SKAP1: variants seen among roughly 807,000 people sequenced by gnomAD.
SKAP1 encodes src kinase-associated phosphoprotein 1.
Under a neutral mutation model 58.5 loss-of-function variants are expected in SKAP1, and 44 were observed. The ratio of observed to expected loss-of-function variants is 0.75; its 90% CI spans 0.59 to 0.97. The LOEUF (loss-of-function observed/expected upper bound fraction) is 0.97, where lower values mean the gene tolerates loss of function less well. Ranked by LOEUF, SKAP1 falls within the 50% of genes least tolerant of loss-of-function variation. SKAP1 has a pLI of 0.00. For synonymous variants in SKAP1, 127 were observed against 149.7 expected, an observed-to-expected ratio of 0.85 and a Z score of 1.11; for missense variants, 390 against 435.2, an observed-to-expected ratio of 0.90 and a Z score of 0.92.
At position 48,259,351 on chromosome 17, in the gene SKAP1, G is replaced by C. The variant is rs570308142; in HGVS notation, c.281-69851C>G. ...TTTCTTCTCTACATAATAACATTGGGTATTAAAGAGCCATTTATGCATACC... is the reference window on the plus strand; with the variant it reads ...TTTCTTCTCTACATAATAACATTGGCTATTAAAGAGCCATTTATGCATACC... On this transcript the variant is annotated intron_variant, in intron 4 of 12. Transcript: ENST00000336915. Among the ~76,000 whole-genome samples the C allele has an allele frequency of 2.0e-5, 3 of 152,070 alleles. No homozygotes were observed. In the East Asian group the frequency reaches 5.8e-4, roughly 29 times the overall value.
intron 1 of SKAP1, among the ~76,000 whole-genome samples, chr17:48,409,652 A>G (rs1470514376): frequency 6.9e-6 from 1 of 144,454 alleles, no homozygotes; most frequent in African/African-American, 2.6e-5. Flanking sequence ...TGGGTGATAG[A>G]GCAAGATCCT....
At chr17:48,216,822 T>C (rs1421720186) in intron 4 of SKAP1, among the ~76,000 whole-genome samples, 1 of 152,166 alleles carries the variant, frequency 6.6e-6, no homozygotes, top group African/African-American at 2.4e-5. Flanking sequence ...AATTTTGCCC[T>C]CTCTTTTGTC....
chr17:48,170,532 CT>C (rs1181727759), intron 10 of SKAP1, 76 bp downstream of exon 10: 105 of 1,255,014 alleles, frequency 8.4e-5, no homozygotes, highest in Non-Finnish European at 1.1e-4. Flanking sequence ...TTTTTGTAGT[CT>C]CAGAGAAAGG....
intron 4 of SKAP1, among the ~76,000 whole-genome samples, chr17:48,199,473 C>G (rs1209989489): frequency 6.6e-6 from 1 of 152,244 alleles, no homozygotes; most frequent in East Asian, 1.9e-4. Context: ...CCTCTCTCTA[C>G]ATCCAGCTGC....
chr17:48,204,023 A>T (rs1166174313), intron 4 of SKAP1: 1 of 152,192 alleles, frequency 6.6e-6, no homozygotes, highest in East Asian at 1.9e-4. Flanking sequence ...GGCCTTCTGA[A>T]GCTGAAACAG....
At chr17:48,336,745 T>C (rs1169120570) in intron 4 of SKAP1, among the ~76,000 whole-genome samples, 1 of 152,184 alleles carries the variant, frequency 6.6e-6, no homozygotes, top group African/African-American at 2.4e-5. Context: ...TTAGAAGGGC[T>C]AGATTAGATA....
At chr17:48,252,004 TA>T (rs376841432) in intron 4 of SKAP1, among the ~76,000 whole-genome samples, 491 of 152,344 alleles carry the variant, frequency 3.2e-3, no homozygotes, top group Non-Finnish European at 5.2e-3. Context: ...AGTATTCATT[TA>T]ACATTTATTC....
chr17:48,142,843 T>C (rs1264343844), intron 11 of SKAP1, among the ~76,000 whole-genome samples: 1 of 152,152 alleles, frequency 6.6e-6, no homozygotes, highest in Non-Finnish European at 1.5e-5. Context: ...TTTCGCTCTG[T>C]TGCCCAGGAT....
intron 1 of SKAP1, among the ~76,000 whole-genome samples, chr17:48,424,822 C>G (rs1391512356): frequency 6.6e-6 from 1 of 151,336 alleles, no homozygotes; most frequent in African/African-American, 2.4e-5. Context: ...GTCCCAGCTA[C>G]TCAGAAGGCT....
At chr17:48,197,034 A>AGATCACGAG (rs2064642961) in intron 4 of SKAP1, among the ~76,000 whole-genome samples, 1 of 152,202 alleles carries the variant, frequency 6.6e-6, no homozygotes, top group African/African-American at 2.4e-5. Context: ...CGAGGTGGGC[A>AGATCACGAG]GATCACGAGG....
chr17:48,249,991 G>A (rs953665374), intron 4 of SKAP1, among the ~76,000 whole-genome samples: 5 of 151,590 alleles, frequency 3.3e-5, no homozygotes, highest in South Asian at 4.2e-4. Flanking sequence ...GTTGCTTTCT[G>A]CCTGAAGCAT....
chr17:48,286,451 T>G (rs2065830858), intron 4 of SKAP1, among the ~76,000 whole-genome samples: 1 of 152,256 alleles, frequency 6.6e-6, no homozygotes, highest in South Asian at 2.1e-4. Flanking sequence ...TAACTTCAAG[T>G]TTCCTTTATA....
intron 10 of SKAP1, among the ~76,000 whole-genome samples, chr17:48,165,028 T>C (rs1291658912): frequency 1.3e-5 from 2 of 152,354 alleles, no homozygotes; most frequent in South Asian, 2.1e-4. Flanking sequence ...TGGCCACACA[T>C]GAGCCCTCCT....
chr17:48,199,731 G>T (rs1245509737), intron 4 of SKAP1, among the ~76,000 whole-genome samples: 1 of 152,002 alleles, frequency 6.6e-6, no homozygotes, highest in Non-Finnish European at 1.5e-5. Context: ...AAAGCAAATA[G>T]AAAAAGGGCT....
intron 6 of SKAP1, among the ~76,000 whole-genome samples, chr17:48,187,028 G>A (rs1352743771): frequency 6.6e-6 from 1 of 152,186 alleles, no homozygotes; most frequent in Non-Finnish European, 1.5e-5. Flanking sequence ...TCTCCCTCTT[G>A]CGTCTTAGAA....
chr17:48,235,645 A>G (rs1283743616), intron 4 of SKAP1, among the ~76,000 whole-genome samples: 5 of 152,202 alleles, frequency 3.3e-5, no homozygotes, highest in African/African-American at 4.8e-5. Flanking sequence ...GTTTAATGCC[A>G]TGAAATCTTT....
At chr17:48,364,128 G>A (rs990156119) in intron 2 of SKAP1, among the ~76,000 whole-genome samples, 2 of 152,190 alleles carry the variant, frequency 1.3e-5, no homozygotes, top group African/African-American at 4.8e-5. Flanking sequence ...CAGCAGGATG[G>A]TTCTTTGTTG....
intron 4 of SKAP1, among the ~76,000 whole-genome samples, chr17:48,311,520 G>A (rs771169040): frequency 6.6e-5 from 10 of 152,232 alleles, no homozygotes; most frequent in Non-Finnish European, 1.5e-4. Flanking sequence ...AGCAAGGGAT[G>A]TTGTAAATAG....
intron 6 of SKAP1, among the ~76,000 whole-genome samples, chr17:48,186,660 C>T (rs1204436543): frequency 2.0e-5 from 3 of 151,904 alleles, no homozygotes; most frequent in Non-Finnish European, 2.9e-5. Flanking sequence ...GTAGTAGAGA[C>T]GGGGTTTCAC....
Sources: gnomAD v4.1 joint callset for allele counts (sites outside exome capture counted in the v4.1 genomes callset) on GRCh38, gnomAD v4.1.1 for gene constraint, MANE v1.5 for transcripts, NCBI Gene and HGNC (gene_info 2026-07-23, HGNC 2026-07-21) for gene names.